The following MAD1L1 variants were observed in gnomAD, a reference collection of about 807,000 sequenced individuals.
MAD1L1 encodes mitotic spindle assembly checkpoint protein MAD1.
Under a neutral mutation model 96.9 loss-of-function variants are expected in MAD1L1, and 95 were observed. The ratio of observed to expected loss-of-function variants is 0.98; its 90% CI spans 0.83 to 1.16. MAD1L1 has a LOEUF of 1.16. MAD1L1 is among the 50% of genes most tolerant of loss of function. The pLI is 0.00. For synonymous variants in MAD1L1, 473 were observed against 396.6 expected, an observed-to-expected ratio of 1.19 and a Z score of -2.29; for missense variants, 1,007 against 954.4, an observed-to-expected ratio of 1.06 and a Z score of -0.73.
intron 18 of MAD1L1, among the ~76,000 whole-genome samples, chr7:1,885,883 G>A (rs1192967325): frequency 1.3e-5 from 2 of 151,876 alleles, no homozygotes; most frequent in Non-Finnish European, 2.9e-5. Flanking sequence ...AGGGCAGGCA[G>A]ACACCCCAGC....
intron 12 of MAD1L1, among the ~76,000 whole-genome samples, chr7:2,017,750 A>G (rs1562611131): frequency 6.6e-6 from 1 of 152,214 alleles, no homozygotes; most frequent in South Asian, 2.1e-4. Context: ...GCTTTTGAGT[A>G]TAAGCCCCAA....
Position 2,131,042 on chromosome 7 carries a change from G to A in MAD1L1, c.1073+18110C>T, listed in dbSNP as rs762640434. The stretch of plus-strand genomic sequence containing the variant: ...TGGAATCTGTGCTTCCCTGGTGGCC[G>A]TCCTGGAAGAACCTTGCACTTGAAT... On this transcript the variant is annotated intron_variant, in intron 11 of 18. Transcript: ENST00000265854. Among the ~76,000 whole-genome samples, 22 of 152,174 alleles carry A rather than the reference G, an allele frequency of 1.4e-4. 1 individual carries two copies. Among genetic ancestry groups the A allele is most frequent in the Admixed American group, 1.3e-4 (2 of 15,280 alleles).
intron 10 of MAD1L1, among the ~76,000 whole-genome samples, chr7:2,198,969 C>T (rs890955139): frequency 2.0e-5 from 3 of 152,180 alleles, no homozygotes; most frequent in African/African-American, 7.2e-5. Context: ...CTGTGGGGCC[C>T]GACAGGCTGA....
chr7:1,918,591 C>T (rs886999444), intron 17 of MAD1L1, among the ~76,000 whole-genome samples: 9 of 152,218 alleles, frequency 5.9e-5, no homozygotes, highest in Admixed American at 2.0e-4. Context: ...TCCTCTACCC[C>T]GCTCACCTGC....
chr7:2,208,037 G>A (rs1792692401), intron 10 of MAD1L1, among the ~76,000 whole-genome samples: 1 of 152,078 alleles, frequency 6.6e-6, no homozygotes, highest in Admixed American at 6.5e-5. Flanking sequence ...GAGAGCAGAG[G>A]GGAAAAGAGT....
intron 18 of MAD1L1, among the ~76,000 whole-genome samples, chr7:1,868,158 C>T (rs532444705): frequency 6.6e-6 from 1 of 152,334 alleles, no homozygotes; most frequent in Non-Finnish European, 1.5e-5. Context: ...CCCCAGACAC[C>T]AGCACTCCTG....
intron 15 of MAD1L1, among the ~76,000 whole-genome samples, chr7:1,966,319 A>G (rs1780164443): frequency 6.6e-6 from 1 of 152,210 alleles, no homozygotes; most frequent in African/African-American, 2.4e-5. Flanking sequence ...TACTCGGCAC[A>G]TGAAGAACCA....
At chr7:1,900,730 C>T (rs1583706717) in intron 17 of MAD1L1, among the ~76,000 whole-genome samples, 1 of 152,104 alleles carries the variant, frequency 6.6e-6, no homozygotes, top group Non-Finnish European at 1.5e-5. Context: ...AGATCTCAGG[C>T]GTCCAAAGGG....
intron 17 of MAD1L1, among the ~76,000 whole-genome samples, chr7:1,900,307 G>C (rs1562504559): frequency 6.6e-6 from 1 of 152,268 alleles, no homozygotes; most frequent in Non-Finnish European, 1.5e-5. Flanking sequence ...GCAGCATCCA[G>C]ATGTCAGGGG....
In MAD1L1 at chr7:2,062,274, A is replaced by C. The variant is rs76677786; in HGVS notation, c.1218+6920T>G. Among the ~76,000 whole-genome samples the C allele has an allele frequency of 9.2e-3, 1,377 of 149,266 alleles. 12 individuals are homozygous for C. Among genetic ancestry groups the C allele is most frequent in the Non-Finnish European group, 0.015 (1,029 of 67,480 alleles). On this transcript the variant is annotated intron_variant, in intron 12 of 18. Transcript: ENST00000265854. ...AGCAACGACAAAAAAAAAAAAAAAA[A>C]AACAGGGAATTGAAGGCCGGACACA...
chr7:1,893,766 G>T (rs938181294), intron 18 of MAD1L1, among the ~76,000 whole-genome samples: 2 of 152,198 alleles, frequency 1.3e-5, no homozygotes, highest in Admixed American at 1.3e-4. Context: ...AGTCTCACAG[G>T]AGTGCAGTGG....
At chr7:1,891,440 C>T (rs1035787483) in intron 18 of MAD1L1, among the ~76,000 whole-genome samples, 2 of 152,124 alleles carry the variant, frequency 1.3e-5, no homozygotes, top group Admixed American at 6.6e-5. Flanking sequence ...GGAGGAGAAT[C>T]GCTTGAACCA....
intron 13 of MAD1L1, among the ~76,000 whole-genome samples, chr7:2,012,825 G>C (rs1207459187): frequency 6.6e-6 from 1 of 152,144 alleles, no homozygotes; most frequent in Non-Finnish European, 1.5e-5. Context: ...TCCTGGGCTG[G>C]GACCTGTCAT....
chr7:1,825,546 G>A (rs1203046683), intron 18 of MAD1L1, among the ~76,000 whole-genome samples: 1 of 152,248 alleles, frequency 6.6e-6, no homozygotes, highest in South Asian at 2.1e-4. Context: ...CAAGCCCCTC[G>A]GCACCCAGCG....
intron 12 of MAD1L1, among the ~76,000 whole-genome samples, chr7:2,033,585 T>A (rs1783329369): frequency 6.6e-6 from 1 of 151,728 alleles, no homozygotes; most frequent in South Asian, 2.1e-4. Context: ...CTGGGAAAAA[T>A]CAACAATCAA....
intron 10 of MAD1L1, among the ~76,000 whole-genome samples, chr7:2,186,436 T>C (rs1489759030): frequency 6.6e-6 from 1 of 152,230 alleles, no homozygotes; most frequent in African/African-American, 2.4e-5. Context: ...ATACAGGCCG[T>C]ATGATGCCAT....
At chr7:2,072,780 G>A (rs138833688) in intron 11 of MAD1L1, among the ~76,000 whole-genome samples, 166 of 152,350 alleles carry the variant, frequency 1.1e-3, no homozygotes, top group South Asian at 9.5e-3. Context: ...AAGGGGCTGC[G>A]CTGGGAAGCA....
chr7:1,838,775 T>C (rs1032014193), intron 18 of MAD1L1: 6 of 471,108 alleles, frequency 1.3e-5, no homozygotes, highest in African/African-American at 1.2e-4. Context: ...GACATCTCAA[T>C]CAAGCTGCTT....
At chr7:1,922,325 T>C (rs1788844151) in intron 17 of MAD1L1, among the ~76,000 whole-genome samples, 1 of 152,274 alleles carries the variant, frequency 6.6e-6, no homozygotes, top group South Asian at 2.1e-4. Flanking sequence ...CAGCTTGCCG[T>C]TGTCGGCGTG....
Sources: gnomAD v4.1 joint callset for allele counts (sites outside exome capture counted in the v4.1 genomes callset) on GRCh38, gnomAD v4.1.1 for gene constraint, MANE v1.5 for transcripts, NCBI Gene and HGNC (gene_info 2026-07-23, HGNC 2026-07-21) for gene names.